The following ELP4 variants were observed in gnomAD, a reference collection of about 807,000 sequenced individuals.
ELP4 encodes elongator acetyltransferase complex subunit 4, also known as elongator complex protein 4.
Under a neutral mutation model 48.9 loss-of-function variants are expected in ELP4, and 51 were observed. The ratio of observed to expected loss-of-function variants is 1.04; its 90% confidence interval spans 0.83 to 1.32. The LOEUF is 1.32. Ranked by LOEUF, ELP4 falls within the 40% of genes most tolerant of loss-of-function variation. The pLI is 0.00. For missense variants in ELP4, 519 were observed against 514.6 expected, an observed-to-expected ratio of 1.01 and a Z score of -0.08; for synonymous variants, 210 against 189.2, an observed-to-expected ratio of 1.11 and a Z score of -0.90.
rs1948943190 is a variant in ELP4 at position 31,788,896 on chromosome 11, G to A, written c.*5372G>A. ...TTGATCTAACATGGAAATAAAATTT[G>A]TAACACCACACTATAAGGTTAAAAA... On this transcript the variant is annotated 3_prime_UTR_variant, in exon 10 of 10. Coordinates refer to ENST00000640961, the MANE Select transcript of ELP4 (RefSeq NM_019040.5). The A allele has an allele frequency of 5.0e-6, 1 of 201,030 alleles. No homozygotes were observed. Among genetic ancestry groups the A allele is most frequent in the Admixed American group, 6.0e-5 (1 of 16,610 alleles). 12.5% of individuals were successfully genotyped at this position (201,030 alleles called of 1,614,324 possible).
At chr11:31,732,232 T>A (rs1554974489) in intron 9 of ELP4, among the ~76,000 whole-genome samples, 1 of 152,162 alleles carries the variant, frequency 6.6e-6, no homozygotes, top group Non-Finnish European at 1.5e-5. Flanking sequence ...TATCTATAAC[T>A]ATAAAAATAT....
At chr11:31,597,557 A>G (rs1957691963) in intron 4 of ELP4, among the ~76,000 whole-genome samples, 1 of 151,816 alleles carries the variant, frequency 6.6e-6, no homozygotes, top group South Asian at 2.1e-4. Context: ...ACTGTATTCT[A>G]ATTTTTCTAT....
chr11:31,549,946 T>C (rs1375581347), intron 3 of ELP4, among the ~76,000 whole-genome samples: 2 of 151,668 alleles, frequency 1.3e-5, no homozygotes, highest in Non-Finnish European at 2.9e-5. Context: ...TGAGAACACA[T>C]GGACACAGGA....
At chr11:31,577,754 C>T (rs1242056312) in intron 3 of ELP4, among the ~76,000 whole-genome samples, 1 of 152,114 alleles carries the variant, frequency 6.6e-6, no homozygotes, top group Non-Finnish European at 1.5e-5. Flanking sequence ...GCTGTTCATG[C>T]TAAAAACTCT....
intron 6 of ELP4, among the ~76,000 whole-genome samples, chr11:31,629,144 C>A (rs1339171504): frequency 6.6e-6 from 1 of 151,650 alleles, no homozygotes; most frequent in East Asian, 1.9e-4. Context: ...TTACAAATTG[C>A]GGTCATAATT....
rs554442102 is a variant in ELP4, at chr11:31,585,315, A to G, written c.382-9455A>G. 3.3e-5 allele frequency among the ~76,000 whole-genome samples: 5 copies of G among 152,284 alleles called. No homozygotes were observed. The South Asian group carries it at 1.0e-3, about 32-fold the overall frequency. The stretch of plus-strand genomic sequence containing the variant: ...CAACACAGATTTGGAGATAAAATCC[A>G]AGACCTAATAATGTACCACCTCCTG... On this transcript the variant is annotated intron_variant, in intron 3 of 9. Transcript: ENST00000640961.
chr11:31,548,795 T>C (rs1362152309), intron 3 of ELP4, among the ~76,000 whole-genome samples: 53 of 152,064 alleles, frequency 3.5e-4, no homozygotes, highest in African/African-American at 1.2e-3. Flanking sequence ...GAGATATAGA[T>C]CAATGGAACA....
chr11:31,616,866 C>A (rs1220553378), intron 5 of ELP4, among the ~76,000 whole-genome samples: 1 of 151,892 alleles, frequency 6.6e-6, no homozygotes, highest in African/African-American at 2.4e-5. Context: ...CCACAAGATA[C>A]CCCCTCACAT....
At chr11:31,557,323 T>A (rs1956946448) in intron 3 of ELP4, among the ~76,000 whole-genome samples, 1 of 152,030 alleles carries the variant, frequency 6.6e-6, no homozygotes, top group Non-Finnish European at 1.5e-5. Flanking sequence ...TTTTGCTTTA[T>A]TTGATTCTTT....
chr11:31,720,377 C>CT (rs780799564), intron 9 of ELP4, among the ~76,000 whole-genome samples: 2 of 152,048 alleles, frequency 1.3e-5, no homozygotes, highest in Non-Finnish European at 2.9e-5. Flanking sequence ...TGAAGGGTCA[C>CT]TATTGTCTGC....
At chr11:31,525,686 T>G (rs1409951484) in intron 2 of ELP4, among the ~76,000 whole-genome samples, 3 of 152,106 alleles carry the variant, frequency 2.0e-5, no homozygotes, top group Non-Finnish European at 4.4e-5. Context: ...CTTGGAGAAT[T>G]CACACTGTAA....
At chr11:31,642,457 T>C (rs1210340645) in intron 7 of ELP4, among the ~76,000 whole-genome samples, 1 of 151,894 alleles carries the variant, frequency 6.6e-6, no homozygotes, top group Non-Finnish European at 1.5e-5. Flanking sequence ...AAATTTGATA[T>C]CTTAGCAGTT....
chr11:31,655,259 A>ATTAT (rs762613807), intron 9 of ELP4, among the ~76,000 whole-genome samples: 9 of 151,962 alleles, frequency 5.9e-5, no homozygotes, highest in Non-Finnish European at 8.8e-5. Context: ...TACACTTTAT[A>ATTAT]TATTTCACAT....
At chr11:31,555,912 A>G (rs1414832017) in intron 3 of ELP4, among the ~76,000 whole-genome samples, 3 of 151,980 alleles carry the variant, frequency 2.0e-5, no homozygotes, top group Non-Finnish European at 2.9e-5. Context: ...TAAGAGATAC[A>G]GTGTAGGGGG....
Position 31,650,186 on chromosome 11 carries a change from G to C in ELP4, c.1108G>C (p.Ala370Pro). The C allele has an allele frequency of 6.7e-7, 1 of 1,498,770 alleles. No homozygotes were observed. The highest frequency in any genetic ancestry group is 2.3e-5 in the East Asian group (1 of 43,642). The allele number at this position is 1,498,770 out of a possible 1,614,324, so 92.8% of individuals were successfully genotyped here. ...ICDESDVKDL[A>P]FKLKRKLFTI... ...TGATGAATCAGATGTCAAAGACTTAGCTTTTAAATTAAAAAGGAAGCTATT... is the reference window on the plus strand; with the variant it reads ...TGATGAATCAGATGTCAAAGACTTACCTTTTAAATTAAAAAGGAAGCTATT... Residue 370 changes from alanine (A) to proline (P), a missense_variant, in exon 9 of 10, where the codon GCT becomes CCT. Ala to Pro is a conservative substitution (Grantham distance 27). Transcript: ENST00000640961.
At chr11:31,679,214 A>G (rs1289866339) in intron 9 of ELP4, among the ~76,000 whole-genome samples, 2 of 152,310 alleles carry the variant, frequency 1.3e-5, no homozygotes. Flanking sequence ...TCAGTTGACT[A>G]TATTCATGTA....
chr11:31,618,864 G>A (rs1232180), intron 5 of ELP4, among the ~76,000 whole-genome samples: 35,955 of 151,924 alleles, frequency 0.24, 4,796 homozygotes, highest in Non-Finnish European at 0.3. Flanking sequence ...TGGGTGAATT[G>A]TATGGTACCT....
In ELP4 at chr11:31,789,820, A is replaced by G. The variant is rs1037916086; in HGVS notation, c.*6296A>G. ...ATACAGGACACAATTGTAGAACTGA[A>G]GCGGCTCTAACAGCCATTTTTCTTT... On this transcript the variant is annotated 3_prime_UTR_variant, in exon 10 of 10. Transcript: ENST00000640961. 5 of 915,344 alleles carry G rather than the reference A, an allele frequency of 5.5e-6. No homozygotes were observed. The highest frequency in any genetic ancestry group is 3.3e-5 in the African/African-American group (2 of 60,876). The allele number at this position is 915,344 out of a possible 1,614,324, so 56.7% of individuals were successfully genotyped here.
intron 9 of ELP4, among the ~76,000 whole-genome samples, chr11:31,681,141 G>A (rs1447036392): frequency 6.6e-6 from 1 of 152,062 alleles, no homozygotes; most frequent in African/African-American, 2.4e-5. Flanking sequence ...GTATCATGAG[G>A]GGAATTGAGG....
Sources: gnomAD v4.1 joint callset for allele counts (sites outside exome capture counted in the v4.1 genomes callset) on GRCh38, gnomAD v4.1.1 for gene constraint, MANE v1.5 for transcripts, NCBI Gene and HGNC (gene_info 2026-07-23, HGNC 2026-07-21) for gene names.